Variants in ITGAM observed in about 807,000 individuals in gnomAD.
The protein encoded by ITGAM is integrin alpha-M.
In ITGAM, 79 loss-of-function variants were observed where a neutral mutation model predicts 137.5. The observed-to-expected ratio is 0.57, with a 90% CI of 0.48 to 0.69. The LOEUF is 0.69. Among genes scored for constraint, ITGAM ranks in the 30% least tolerant of loss-of-function variants. The pLI is 0.00. For missense variants in ITGAM, 1,343 were observed against 1,483.5 expected, an observed-to-expected ratio of 0.91 and a Z score of 1.56; for synonymous variants, 583 against 592.3, an observed-to-expected ratio of 0.98 and a Z score of 0.23.
chr16:31,325,162 T>C, intron 19 of ITGAM, 101 bp from the exon 20 acceptor site: 6 of 1,492,620 alleles, frequency 4.0e-6, no homozygotes, highest in South Asian at 1.3e-5. Flanking sequence ...CCCTCCACTG[T>C]TGTCTCTTCA....
At chr16:31,278,364 C>T (rs992087077) in intron 12 of ITGAM, among the ~76,000 whole-genome samples, 1 of 152,082 alleles carries the variant, frequency 6.6e-6, no homozygotes, top group Non-Finnish European at 1.5e-5. Flanking sequence ...GGTATTCAAC[C>T]CGTATATAAC....
intron 11 of ITGAM, among the ~76,000 whole-genome samples, chr16:31,277,363 T>TTA (rs2079919399): frequency 6.6e-6 from 1 of 151,622 alleles, no homozygotes; most frequent in Admixed American, 6.6e-5. Context: ...TGGCTAATTT[T>TTA]TTTTTTTTTT....
chr16:31,314,642 A>G (rs757572706), intron 14 of ITGAM, among the ~76,000 whole-genome samples: 1 of 152,018 alleles, frequency 6.6e-6, no homozygotes, highest in African/African-American at 2.4e-5. Flanking sequence ...GCCTTGTAGT[A>G]TAGTTTGAAG....
At chr16:31,284,731 T>C (rs1257177526) in intron 12 of ITGAM, among the ~76,000 whole-genome samples, 2 of 152,166 alleles carry the variant, frequency 1.3e-5, no homozygotes, top group Non-Finnish European at 2.9e-5. Context: ...GCACCCACTC[T>C]CCTACAAGCC....
chr16:31,295,794 T>C (rs2080126923), intron 12 of ITGAM, among the ~76,000 whole-genome samples: 1 of 152,048 alleles, frequency 6.6e-6, no homozygotes, highest in South Asian at 2.1e-4. Flanking sequence ...CTTGCCTTTT[T>C]CCTCATTTTA....
intron 12 of ITGAM, among the ~76,000 whole-genome samples, chr16:31,279,767 CT>C (rs747890528): frequency 6.6e-6 from 1 of 152,160 alleles, no homozygotes; most frequent in Non-Finnish European, 1.5e-5. Context: ...TCAATATTGG[CT>C]TTTGTTGCCA....
intron 12 of ITGAM, among the ~76,000 whole-genome samples, chr16:31,292,390 A>AT (rs1216039026): frequency 6.6e-6 from 1 of 151,748 alleles, no homozygotes; most frequent in Non-Finnish European, 1.5e-5. Context: ...TCCAATGGTT[A>AT]TTTTTTCTGC....
rs757551647 is a variant in ITGAM at position 31,297,634 on chromosome 16, G to A, written c.1477G>A (p.Val493Met). The stretch of plus-strand genomic sequence containing the variant: ...GCAGACCCGAGGGGGCCAGGTGTCC[G>A]TGTGCCCCTTGCCCAGGGGGGTGAG... ...YEQTRGGQVS[V>M]CPLPRGRARW... The change falls in exon 13 of 30, where the codon GTG (valine) becomes ATG (methionine). Residue 493 changes from valine (V) to methionine (M), a missense_variant. Val to Met is a conservative substitution (Grantham distance 21). Transcript: ENST00000544665. The A allele has an allele frequency of 1.4e-5, 22 of 1,613,410 alleles. No homozygotes were observed. Among genetic ancestry groups the A allele is most frequent in the South Asian group, 1.1e-4 (10 of 91,032 alleles).
At chr16:31,278,774 C>T (rs537827713) in intron 12 of ITGAM, among the ~76,000 whole-genome samples, 3 of 152,290 alleles carry the variant, frequency 2.0e-5, no homozygotes, top group African/African-American at 7.2e-5. Context: ...TTCTAGGGTA[C>T]ATGTGCACAA....
chr16:31,314,191 C>T (rs2080366262), intron 14 of ITGAM, among the ~76,000 whole-genome samples: 1 of 152,150 alleles, frequency 6.6e-6, no homozygotes, highest in Non-Finnish European at 1.5e-5. Context: ...CCTGTTCACT[C>T]TGATGATAGT....
At chr16:31,310,271 A>G (rs1411703188) in intron 14 of ITGAM, among the ~76,000 whole-genome samples, 1 of 152,112 alleles carries the variant, frequency 6.6e-6, no homozygotes, top group Non-Finnish European at 1.5e-5. Context: ...GTTCTCCTGG[A>G]TAATATCCTG....
chr16:31,308,490 G>A (rs761645977), intron 14 of ITGAM, among the ~76,000 whole-genome samples: 36 of 152,094 alleles, frequency 2.4e-4, no homozygotes, highest in Non-Finnish European at 4.6e-4. Context: ...GAGATAGGTG[G>A]TGATATCCCC....
rs772748508 is a variant in ITGAM, at chr16:31,330,840, TAGAG to T, written c.3276+237_3276+240del. On this transcript the variant is annotated intron_variant, in intron 28 of 29. Transcript: ENST00000544665. ...AGAGAGAGATAGAGAGTCAGAGAGA[TAGAG>T]ATAGAGACAGAGACAGTGAGAGATG... 6.1e-4 allele frequency among the ~76,000 whole-genome samples: 85 copies of T among 140,198 alleles called. 1 individual carries two copies. Among genetic ancestry groups the T allele is most frequent in the Non-Finnish European group, 1.0e-3 (66 of 64,964 alleles). The allele number at this position is 140,198 out of a possible 152,430, so 92.0% of individuals were successfully genotyped here. A position where few individuals can be genotyped will look rare whatever the true frequency, so the allele number is the denominator to read the frequency against.
At chr16:31,279,321 C>A (rs923230858) in intron 12 of ITGAM, among the ~76,000 whole-genome samples, 1 of 152,170 alleles carries the variant, frequency 6.6e-6, no homozygotes, top group Admixed American at 6.5e-5. Flanking sequence ...ACACTGTCTT[C>A]CACAATGGTT....
intron 14 of ITGAM, 92 bp downstream of exon 14, chr16:31,298,046 C>A: frequency 9.7e-7 from 1 of 1,032,234 alleles, no homozygotes; most frequent in South Asian, 1.3e-5. Flanking sequence ...GATAAGTTCT[C>A]ACAGTACTCC....
intron 23 of ITGAM, 23 bp from the exon 24 acceptor site, chr16:31,329,205 C>T (rs577361516): frequency 9.6e-6 from 15 of 1,566,482 alleles, no homozygotes; most frequent in Middle Eastern, 1.7e-4. Context: ...TTGTCACCTC[C>T]TGTCCCTTTT....
intron 12 of ITGAM, among the ~76,000 whole-genome samples, chr16:31,295,168 CT>C (rs1270961338): frequency 6.6e-6 from 1 of 152,026 alleles, no homozygotes; most frequent in African/African-American, 2.4e-5. Context: ...ATTATGATGC[CT>C]CCAGTATTTT....
At chr16:31,260,358 A>G (rs2079685821) in intron 1 of ITGAM, among the ~76,000 whole-genome samples, 1 of 152,124 alleles carries the variant, frequency 6.6e-6, no homozygotes, top group South Asian at 2.1e-4. Context: ...ACGGAGGCCC[A>G]GGGAGGAGAA....
intron 14 of ITGAM, among the ~76,000 whole-genome samples, chr16:31,302,756 C>T (rs1323005545): frequency 6.6e-6 from 1 of 151,050 alleles, no homozygotes; most frequent in Non-Finnish European, 1.5e-5. Flanking sequence ...AGGCTGGTCT[C>T]GAACACCTGA....
Sources: gnomAD v4.1 joint callset for allele counts (sites outside exome capture counted in the v4.1 genomes callset) on GRCh38, gnomAD v4.1.1 for gene constraint, MANE v1.5 for transcripts, NCBI Gene and HGNC (gene_info 2026-07-23, HGNC 2026-07-21) for gene names.